Variants in ISL2 observed in about 807,000 individuals in gnomAD.
The protein encoded by ISL2 is insulin gene enhancer protein ISL-2.
A neutral mutation model predicts 34.6 loss-of-function variants in ISL2; 17 were observed. The observed-to-expected ratio is 0.49, with a 90% CI of 0.34 to 0.74. The LOEUF is 0.74. ISL2 is among the 30% of genes least tolerant of loss of function. The pLI, the probability that ISL2 is intolerant of heterozygous loss-of-function variation, is 0.01. For synonymous variants in ISL2, 232 were observed against 225.5 expected, an observed-to-expected ratio of 1.03 and a Z score of -0.26; for missense variants, 469 against 515.2, an observed-to-expected ratio of 0.91 and a Z score of 0.87.
chr15:76,341,494 C>T (rs2040193893), intron 5 of ISL2, among the ~76,000 whole-genome samples, 193 bp downstream of exon 5: 1 of 152,210 alleles, frequency 6.6e-6, no homozygotes, highest in South Asian at 2.1e-4. Context: ...ACCAGGTCTC[C>T]CTGGATTAAA....
rs1221785088 is a variant in ISL2, at chr15:76,340,369, A to G, written c.605A>G (p.Gln202Arg). 1 of 1,613,388 alleles carries G rather than the reference A, an allele frequency of 6.2e-7. No individual in the cohort carries two copies. Residue 202 changes from glutamine (Q) to arginine (R), a missense_variant, in exon 4 of 6, where the codon CAG (glutamine) becomes CGG (arginine). Gln to Arg is a conservative substitution (Grantham distance 43, BLOSUM62 1). This residue lies in a region of ISL2 where 297 missense variants were observed against 337.8 expected (regional missense o/e 0.88). Coordinates refer to ENST00000290759, the MANE Select transcript of ISL2 (RefSeq NM_145805.3). The part of the protein sequence containing the change: ...TRVRTVLNEK[Q>R]LHTLRTCYAA... ...GTGCGGACTGTGCTGAACGAGAAGCAGCTGCACACTCTGCGGACCTGCTAC... is the reference window on the plus strand; with the variant it reads ...GTGCGGACTGTGCTGAACGAGAAGCGGCTGCACACTCTGCGGACCTGCTAC...
intron 3 of ISL2, 133 bp downstream of exon 3, chr15:76,338,647 A>G (rs763265239): frequency 8.1e-7 from 1 of 1,231,164 alleles, no homozygotes; most frequent in Non-Finnish European, 1.0e-6. Flanking sequence ...GTTTTTCTGT[A>G]TCAGTGCGGA....
At chr15:76,341,094 A>C in intron 4 of ISL2, 40 bp from the exon 5 acceptor site, 1 of 1,518,022 alleles carries the variant, frequency 6.6e-7, no homozygotes, top group Non-Finnish European at 8.8e-7. Context: ...AAAAGGCCAG[A>C]CCTAACTCGA....
At chr15:76,338,100 C>A in intron 2 of ISL2, 133 bp downstream of exon 2, 2 of 1,328,944 alleles carry the variant, frequency 1.5e-6, no homozygotes, top group Non-Finnish European at 2.0e-6. Flanking sequence ...GGTGCCGCAG[C>A]GCTCCCCCGG....
intron 3 of ISL2, chr15:76,339,557 A>G: frequency 1.0e-6 from 1 of 985,502 alleles, no homozygotes; most frequent in Non-Finnish European, 1.2e-6. Context: ...TTTCCCCGGG[A>G]TGGAGAGAAC....
chr15:76,339,804 C>T, intron 3 of ISL2: 2 of 996,160 alleles, frequency 2.0e-6, no homozygotes, highest in Non-Finnish European at 2.4e-6. Flanking sequence ...CTCGTAGGCC[C>T]CCGGCATATT....
intron 3 of ISL2, chr15:76,339,958 CCT>C: frequency 8.5e-7 from 1 of 1,178,450 alleles, no homozygotes; most frequent in Non-Finnish European, 1.1e-6. Flanking sequence ...TTCCGAGGGT[CCT>C]GCGACTGGAG....
intron 3 of ISL2, chr15:76,339,208 A>T: frequency 1.0e-6 from 1 of 985,422 alleles, no homozygotes; most frequent in Non-Finnish European, 1.2e-6. Context: ...CCAGGTAGCC[A>T]TAGGCCTGCA....
Position 76,338,692 on chromosome 15 carries a change from G to C in ISL2, c.511+178G>C, listed in dbSNP as rs1388702581. The C allele has an allele frequency of 1.0e-5, 10 of 985,300 alleles. 1 individual carries two copies. In the South Asian group the frequency reaches 3.8e-4, roughly 37 times the overall value. 61.0% of individuals were successfully genotyped at this position (985,300 alleles called of 1,614,324 possible). On this transcript the variant is annotated intron_variant, in intron 3 of 5. Coordinates refer to ENST00000290759, the MANE Select transcript of ISL2 (RefSeq NM_145805.3). ...TGGGAACAAGGCTGTGTGTATTCTC[G>C]TGTGCTCGGGAGAAACTGCGTGTGT...
chr15:76,339,425 G>C, intron 3 of ISL2: 3 of 985,474 alleles, frequency 3.0e-6, no homozygotes, highest in Non-Finnish European at 3.6e-6. Context: ...TATGGGTCGG[G>C]ATCAAATGGA....
intron 4 of ISL2, among the ~76,000 whole-genome samples, chr15:76,340,802 G>C (rs914318236): frequency 1.3e-5 from 2 of 152,262 alleles, no homozygotes; most frequent in African/African-American, 2.4e-5. Flanking sequence ...GCGCTGCGCG[G>C]AGCCCAAGGC....
Position 76,336,922 on chromosome 15 carries a change from T to G in ISL2, c.39T>G (p.Ala13=), listed in dbSNP as rs765583717. 6.1e-5 allele frequency: 99 copies of G among 1,612,544 alleles called. No homozygotes were observed. The highest frequency in any genetic ancestry group is 8.1e-5 in the Non-Finnish European group (96 of 1,178,704). The change falls in exon 1 of 6, where the codon GCT becomes GCG. Residue 13 remains alanine (A), a synonymous_variant. Coordinates refer to ENST00000290759, the MANE Select transcript of ISL2 (RefSeq NM_145805.3). ...DIIFHYPFLG[A]MGDHSKKKPG... ...TTTTTCATTATCCTTTTCTGGGTGCTATGGGTGATCATTCCAAGAGTAAGT... is the reference window on the plus strand; with the variant it reads ...TTTTTCATTATCCTTTTCTGGGTGCGATGGGTGATCATTCCAAGAGTAAGT...
intron 2 of ISL2, 134 bp downstream of exon 2, chr15:76,338,101 G>A (rs1361923993): frequency 2.7e-5 from 36 of 1,331,330 alleles, no homozygotes; most frequent in Non-Finnish European, 3.0e-5. Context: ...GTGCCGCAGC[G>A]CTCCCCCGGG....
At chr15:76,338,170 G>C in intron 2 of ISL2, 82 bp from the exon 3 acceptor site, 27 of 1,472,268 alleles carry the variant, frequency 1.8e-5, no homozygotes, top group Non-Finnish European at 2.4e-5. Flanking sequence ...AGTGTCCTGG[G>C]CGCGCGCCGG....
intron 3 of ISL2, chr15:76,338,726 G>T: frequency 3.0e-6 from 3 of 985,470 alleles, no homozygotes; most frequent in Non-Finnish European, 3.6e-6. Context: ...GTATGAGTGT[G>T]TGAGCACGGA....
chr15:76,337,739 C>T (rs1420550976), intron 1 of ISL2, 39 bp from the exon 2 acceptor site: 3 of 1,505,242 alleles, frequency 2.0e-6, no homozygotes, highest in Middle Eastern at 1.8e-4. Context: ...TGGGTCCGGG[C>T]AGTCAGGCCT....
At position 76,341,957 on chromosome 15, in the gene ISL2, G is replaced by A. The variant is rs959043053; in HGVS notation, c.*122G>A. ...TCGTAATTATTCTATTGTTATTTAT[G>A]AGAGAGTACCGAGAGACACGGTCTG... is the stretch of plus-strand genomic sequence containing the variant. On this transcript the variant is annotated 3_prime_UTR_variant, in exon 6 of 6. Transcript: ENST00000290759. 1.8e-5 allele frequency: 13 copies of A among 717,864 alleles called. No individual in the cohort carries two copies. The highest frequency in any genetic ancestry group is 2.4e-4 in the Middle Eastern group (1 of 4,204). 44.5% of individuals were successfully genotyped at this position (717,864 alleles called of 1,614,324 possible).
In ISL2 at chr15:76,338,348, C is replaced by T; in HGVS notation, c.345C>T (p.Phe115=). ...ACAGCGTGTACCACATCGAGTGCTT[C>T]CGCTGCTCCGTGTGCAGCCGCCAGC... ...ARDSVYHIEC[F]RCSVCSRQLL... is the part of the protein sequence containing the mutation. Residue 115 remains phenylalanine (F), a synonymous_variant, in exon 3 of 6, where the codon TTC becomes TTT. Coordinates refer to ENST00000290759, the MANE Select transcript of ISL2 (RefSeq NM_145805.3). 2 of 1,567,088 alleles carry T rather than the reference C, an allele frequency of 1.3e-6. No homozygotes were observed. Among genetic ancestry groups the T allele is most frequent in the Non-Finnish European group, 1.7e-6 (2 of 1,163,712 alleles).
At chr15:76,340,092 G>A (rs1433966658) in intron 3 of ISL2, 184 bp from the exon 4 acceptor site, 10 of 1,405,020 alleles carry the variant, frequency 7.1e-6, no homozygotes, top group Non-Finnish European at 8.3e-6. Context: ...GAGAAAGAAC[G>A]AAAATGCACA....
Sources: gnomAD v4.1 joint callset for allele counts (sites outside exome capture counted in the v4.1 genomes callset) on GRCh38, gnomAD v4.1.1 for gene constraint, gnomAD v4.1.1 regional missense constraint, MANE v1.5 for transcripts, NCBI Gene and HGNC (gene_info 2026-07-23, HGNC 2026-07-21) for gene names.